The following POU3F3 variants were observed in gnomAD, a reference collection of about 807,000 sequenced individuals.
The protein encoded by POU3F3 is POU domain, class 3, transcription factor 3.
In POU3F3, 1 loss-of-function variant was observed where a neutral mutation model predicts 8.6. That is an observed-to-expected ratio of 0.12 (90% CI 0.04 to 0.55). POU3F3 has a LOEUF of 0.55. Ranked by LOEUF, POU3F3 falls within the 20% of genes least tolerant of loss-of-function variation. The pLI is 0.91. For synonymous variants in POU3F3, 418 were observed against 327.4 expected, an observed-to-expected ratio of 1.28 and a Z score of -2.99; for missense variants, 577 against 690.7, an observed-to-expected ratio of 0.84 and a Z score of 1.84.
chr2:104,891,656 C>G, the POU3F3 span, among the ~76,000 whole-genome samples: 1 of 152,092 alleles, frequency 6.6e-6, no homozygotes, highest in South Asian at 2.1e-4. Context: ...GGAAATGGGC[C>G]TTTGGTTGGT....
the POU3F3 span, among the ~76,000 whole-genome samples, chr2:104,881,127 T>TTTCC: frequency 1.3e-5 from 2 of 149,758 alleles, no homozygotes; most frequent in Admixed American, 6.7e-5. Context: ...TCTTACTTTC[T>TTTCC]TTCTTTCTTT....
At chr2:104,896,764 C>T in the POU3F3 span, among the ~76,000 whole-genome samples, 2 of 152,200 alleles carry the variant, frequency 1.3e-5, no homozygotes, top group Non-Finnish European at 2.9e-5. Flanking sequence ...CCCTGTGCCC[C>T]GCCTCTCCTG....
At position 104,857,850 on chromosome 2, in the gene POU3F3, T is replaced by A. The variant is rs1459111423; in HGVS notation, c.*837T>A. On this transcript the variant is annotated 3_prime_UTR_variant, in exon 1 of 1. Transcript: ENST00000361360. The stretch of plus-strand genomic sequence containing the variant: ...AGTATCCTCAAAGTAACCTTGGAAA[T>A]AAAAGGATCGGGAAGGAGCAGAGGG... 1 of 151,982 alleles carries A rather than the reference T, an allele frequency of 6.6e-6. No homozygotes were observed. Among genetic ancestry groups the A allele is most frequent in the African/African-American group, 2.4e-5 (1 of 41,358 alleles). 9.4% of individuals were successfully genotyped at this position (151,982 alleles called of 1,614,324 possible).
the POU3F3 span, among the ~76,000 whole-genome samples, chr2:104,895,314 C>T: frequency 3.9e-5 from 6 of 152,152 alleles, no homozygotes; most frequent in Non-Finnish European, 8.8e-5. Context: ...CAACAAAATA[C>T]AAGCAGGCGC....
At chr2:104,866,012 G>C in the POU3F3 span, 2 of 152,188 alleles carry the variant, frequency 1.3e-5, no homozygotes, top group African/African-American at 4.8e-5. Flanking sequence ...TTCATGGGGA[G>C]AAATCTTTCA....
the POU3F3 span, among the ~76,000 whole-genome samples, chr2:104,911,059 T>C: frequency 2.6e-5 from 4 of 152,140 alleles, no homozygotes; most frequent in African/African-American, 9.7e-5. Flanking sequence ...TGGATTTTGA[T>C]AGCCCAAGGA....
the POU3F3 span, chr2:104,866,632 G>T: frequency 6.6e-6 from 1 of 152,214 alleles, no homozygotes; most frequent in Non-Finnish European, 1.5e-5. Context: ...GTGGGGAGAA[G>T]TGCACTCACT....
chr2:104,909,583 T>C, the POU3F3 span, among the ~76,000 whole-genome samples: 3 of 152,214 alleles, frequency 2.0e-5, no homozygotes, highest in Admixed American at 2.0e-4. Context: ...TGCCTGGCTG[T>C]GCCCTTCACA....
the POU3F3 span, among the ~76,000 whole-genome samples, chr2:104,876,605 GT>G: frequency 6.7e-6 from 1 of 148,358 alleles, no homozygotes; most frequent in African/African-American, 2.5e-5. Flanking sequence ...GGGGAGACAG[GT>G]TTGTGTTTTT....
chr2:104,863,978 G>A, the POU3F3 span, among the ~76,000 whole-genome samples: 5 of 152,224 alleles, frequency 3.3e-5, no homozygotes, highest in Non-Finnish European at 7.3e-5. Flanking sequence ...CGCCGCACGG[G>A]GCGGTGGAGT....
At chr2:104,906,446 T>G in the POU3F3 span, among the ~76,000 whole-genome samples, 1 of 152,230 alleles carries the variant, frequency 6.6e-6, no homozygotes, top group Non-Finnish European at 1.5e-5. Flanking sequence ...TGCGTTTTAG[T>G]GTCTGGTAGA....
Position 104,855,614 on chromosome 2 carries a change from G to A in POU3F3, c.104G>A (p.Gly35Asp). The A allele has an allele frequency of 1.2e-6, 1 of 820,002 alleles. No homozygotes were observed. Among genetic ancestry groups the A allele is most frequent in the East Asian group, 1.3e-4 (1 of 7,518 alleles). The allele number at this position is 820,002 out of a possible 1,614,324, so 50.8% of individuals were successfully genotyped here. ...GCAGGGGCTGGCGGCGGCGGGGGTG[G>A]CGGCGGCGGCGGCGGCGGGGGCGGC... ...DAAGAGGGGGGGGGGGGGGAG... is the reference protein window; with the variant it reads ...DAAGAGGGGGDGGGGGGGGAG... Residue 35 changes from glycine (G) to aspartate (D), a missense_variant, in exon 1 of 1, where the codon GGC (glycine) becomes GAC (aspartate). This residue lies in a region of POU3F3 where 484 missense variants were observed against 422.6 expected (regional missense o/e 1.15). Coordinates refer to ENST00000361360, the MANE Select transcript of POU3F3 (RefSeq NM_006236.3).
At chr2:104,877,223 T>A in the POU3F3 span, among the ~76,000 whole-genome samples, 2 of 152,182 alleles carry the variant, frequency 1.3e-5, no homozygotes, top group African/African-American at 4.8e-5. Flanking sequence ...CTAGAGAGAA[T>A]CACGGTGGGT....
At chr2:104,914,516 C>A in the POU3F3 span, among the ~76,000 whole-genome samples, 1 of 152,144 alleles carries the variant, frequency 6.6e-6, no homozygotes, top group African/African-American at 2.4e-5. Context: ...TATATTTGCC[C>A]AACCAGAACC....
At chr2:104,924,448 T>G in the POU3F3 span, among the ~76,000 whole-genome samples, 1 of 152,220 alleles carries the variant, frequency 6.6e-6, no homozygotes, top group Non-Finnish European at 1.5e-5. Context: ...TATTTAAGGT[T>G]ATGGAAAGAC....
chr2:104,911,325 G>A, the POU3F3 span, among the ~76,000 whole-genome samples: 2 of 149,554 alleles, frequency 1.3e-5, no homozygotes, highest in Non-Finnish European at 1.5e-5. Context: ...GAGGCAGACA[G>A]AATTGCTTGA....
chr2:104,915,053 G>A, the POU3F3 span, among the ~76,000 whole-genome samples: 369 of 152,280 alleles, frequency 2.4e-3, 2 homozygotes, highest in Non-Finnish European at 4.0e-3. Flanking sequence ...AGGGTCACTC[G>A]GAAGGTCACA....
At chr2:104,927,217 C>A in the POU3F3 span, among the ~76,000 whole-genome samples, 11 of 152,156 alleles carry the variant, frequency 7.2e-5, no homozygotes, top group African/African-American at 2.7e-4. Flanking sequence ...TGCCTTCAAA[C>A]CCTAACCACC....
At chr2:104,862,040 C>T (rs955537696), downstream of POU3F3, among the ~76,000 whole-genome samples, 4 of 152,208 alleles carry the variant, frequency 2.6e-5, no homozygotes, top group African/African-American at 9.6e-5. Context: ...CTTGTGTAAT[C>T]AGATTCTTTG....
Sources: allele counts gnomAD v4.1 joint callset (sites outside exome capture counted in the v4.1 genomes callset), GRCh38; gene constraint gnomAD v4.1.1; regional missense constraint gnomAD v4.1.1; transcripts MANE v1.5; gene names NCBI Gene and HGNC (gene_info 2026-07-23, HGNC 2026-07-21).